Variants in ONECUT1 observed in about 807,000 individuals in gnomAD.
The protein encoded by ONECUT1 is one cut homeobox 1.
In ONECUT1, 12 loss-of-function variants were observed where a neutral mutation model predicts 25.6. That is an observed-to-expected ratio of 0.47 (90% CI 0.30 to 0.76). The LOEUF is 0.76. Among genes scored for constraint, ONECUT1 ranks in the 30% least tolerant of loss-of-function variants. ONECUT1 has a pLI of 0.07. For missense variants in ONECUT1, 620 were observed against 651.2 expected (o/e 0.95, Z 0.52); for synonymous variants, 285 against 270.2 (o/e 1.05, Z -0.54).
chr15:52,785,290 C>T (rs1344801369), intron 1 of ONECUT1, among the ~76,000 whole-genome samples: 2 of 152,384 alleles, frequency 1.3e-5, no homozygotes, highest in East Asian at 3.9e-4. Context: ...CCACTCAGGG[C>T]AAACACAGCC....
At chr15:52,787,638 G>A (rs1465497982) in intron 1 of ONECUT1, 1 of 150,178 alleles carries the variant, frequency 6.7e-6, no homozygotes, top group Non-Finnish European at 1.5e-5. Context: ...GTGGGGGGTG[G>A]GGGAGTGGGG....
At chr15:52,770,836 A>G (rs2083762964) in intron 1 of ONECUT1, among the ~76,000 whole-genome samples, 1 of 152,180 alleles carries the variant, frequency 6.6e-6, no homozygotes, top group Non-Finnish European at 1.5e-5. Flanking sequence ...TCCAGGGCAA[A>G]GGATATGAAC....
At chr15:52,760,931 C>T (rs2141445855) in intron 1 of ONECUT1, among the ~76,000 whole-genome samples, 1 of 151,780 alleles carries the variant, frequency 6.6e-6, no homozygotes, top group Non-Finnish European at 1.5e-5. Context: ...CCCTTCAGGA[C>T]TGTGCACTTG....
intron 1 of ONECUT1, among the ~76,000 whole-genome samples, chr15:52,781,910 G>T (rs2083843657): frequency 1.3e-5 from 2 of 152,174 alleles, no homozygotes; most frequent in South Asian, 4.1e-4. Context: ...AATAGAATGT[G>T]CACAAAAAAC....
At chr15:52,768,028 A>G (rs554856571) in intron 1 of ONECUT1, among the ~76,000 whole-genome samples, 3 of 152,306 alleles carry the variant, frequency 2.0e-5, no homozygotes, top group African/African-American at 7.2e-5. Flanking sequence ...TGGTTACCAG[A>G]GGCTGGGAAG....
At chr15:52,760,561 C>T (rs1421970106) in intron 1 of ONECUT1, among the ~76,000 whole-genome samples, 1 of 152,142 alleles carries the variant, frequency 6.6e-6, no homozygotes, top group Non-Finnish European at 1.5e-5. Flanking sequence ...AGAGAAGGCA[C>T]TCAGATGGGC....
At chr15:52,759,702 C>A (rs1596044735) in intron 1 of ONECUT1, among the ~76,000 whole-genome samples, 1 of 152,074 alleles carries the variant, frequency 6.6e-6, no homozygotes, top group Non-Finnish European at 1.5e-5. Context: ...TGGGCTCAAG[C>A]GATCCTCTCA....
rs1447808586 is a variant in ONECUT1, at chr15:52,757,194, G to A, written c.*361C>T. 1 of 236,864 alleles carries A rather than the reference G, an allele frequency of 4.2e-6. No homozygotes were observed. Among genetic ancestry groups the A allele is most frequent in the African/African-American group, 2.3e-5 (1 of 42,924 alleles). The allele number at this position is 236,864 out of a possible 1,614,324, so 14.7% of individuals were successfully genotyped here. A position where few individuals can be genotyped will look rare whatever the true frequency, so the allele number is the denominator to read the frequency against. On this transcript the variant is annotated 3_prime_UTR_variant, in exon 2 of 2. Coordinates refer to ENST00000305901, the MANE Select transcript of ONECUT1 (RefSeq NM_004498.4). ...AGACACCATACACCTTCGTGGCATG[G>A]TAGAACAGATGAGAAAGTTCGATCT...
rs538217727 is a variant in ONECUT1, at chr15:52,762,740, GCAGAGATAT to G, written c.1106-4902_1106-4894del. Among the ~76,000 whole-genome samples, 10 of 152,342 alleles carry G rather than the reference GCAGAGATAT, an allele frequency of 6.6e-5. No individual in the cohort carries two copies. The South Asian group carries it at 2.1e-3, about 32-fold the overall frequency. On this transcript the variant is annotated intron_variant, in intron 1 of 1. Transcript: ENST00000305901. ...AAAGCTGGAGGTGCTGAAAAAGAAA[GCAGAGATAT>G]CAGTAAAATGGAGAGTAGACTAAAG...
chr15:52,765,630 G>A (rs1472960540), intron 1 of ONECUT1, among the ~76,000 whole-genome samples: 1 of 152,230 alleles, frequency 6.6e-6, no homozygotes, highest in Non-Finnish European at 1.5e-5. Flanking sequence ...AACATGGCAG[G>A]ACTGTTCCTG....
rs1294703601 is a variant in ONECUT1, at chr15:52,777,307, A to C, written c.1105+11473T>G. 2.0e-5 allele frequency among the ~76,000 whole-genome samples: 3 copies of C among 152,154 alleles called. No individual in the cohort carries two copies. In the East Asian group the frequency reaches 5.8e-4, roughly 29 times the overall value. ...TACCATTATTCTAATTTGCCACTTG[A>C]ATTTATATTAGAATCACCGGGGAAA... On this transcript the variant is annotated intron_variant, in intron 1 of 1. Transcript: ENST00000305901.
intron 1 of ONECUT1, among the ~76,000 whole-genome samples, chr15:52,760,066 G>A (rs1334980821): frequency 2.6e-5 from 4 of 152,166 alleles, no homozygotes; most frequent in South Asian, 2.1e-4. Context: ...GGACATGAAG[G>A]GAGGGCTCAG....
chr15:52,789,903 G>T lies in ONECUT1; in HGVS notation c.-19C>A. On this transcript the variant is annotated 5_prime_UTR_variant, in exon 1 of 2. Coordinates refer to ENST00000305901, the MANE Select transcript of ONECUT1 (RefSeq NM_004498.4). The surrounding 1 kb of genome is among the most constrained non-coding windows in gnomAD (Gnocchi z 4.1). ...CGTTCATCGTGATCCGGGCGAGCAGGCGGCGGACACAACATCGATGTGGCC... is the reference window on the plus strand; with the variant it reads ...CGTTCATCGTGATCCGGGCGAGCAGTCGGCGGACACAACATCGATGTGGCC... 6.6e-7 allele frequency: 1 copy of T among 1,513,474 alleles called. No individual in the cohort carries two copies. The highest frequency in any genetic ancestry group is 8.7e-7 in the Non-Finnish European group (1 of 1,143,286). 93.8% of individuals were successfully genotyped at this position (1,513,474 alleles called of 1,614,324 possible). A position where few individuals can be genotyped will look rare whatever the true frequency, so the allele number is the denominator to read the frequency against.
chr15:52,787,393 C>T (rs1463128561), intron 1 of ONECUT1, among the ~76,000 whole-genome samples: 1 of 152,078 alleles, frequency 6.6e-6, no homozygotes, highest in Non-Finnish European at 1.5e-5. Context: ...GCACCTGCCA[C>T]CCCCAGCTTC....
intron 1 of ONECUT1, among the ~76,000 whole-genome samples, chr15:52,778,825 C>T (rs2083820976): frequency 6.6e-6 from 1 of 152,158 alleles, no homozygotes; most frequent in Non-Finnish European, 1.5e-5. Context: ...TCATAGAAGG[C>T]AATCAATCAT....
chr15:52,781,268 G>A (rs1202726470), intron 1 of ONECUT1: 3 of 152,236 alleles, frequency 2.0e-5, no homozygotes, highest in African/African-American at 7.2e-5. Flanking sequence ...AGGGATGGGA[G>A]GCTGGGGTTT....
chr15:52,789,222 G>C lies in ONECUT1; in HGVS notation c.663C>G (p.His221Gln). Residue 221 changes from histidine (H) to glutamine (Q), a missense_variant, in exon 1 of 2, where the codon CAC (histidine) becomes CAG (glutamine). By Grantham distance (24) the His-to-Gln change is conservative. Coordinates refer to ENST00000305901, the MANE Select transcript of ONECUT1 (RefSeq NM_004498.4). The surrounding 1 kb of genome is among the most constrained non-coding windows in gnomAD (Gnocchi z 4.1). ...KMLTPNGFEA[H>Q]HPAMLGRHGE... Reference sequence around the variant, plus strand: ...CGTGGCGGCCGAGCATGGCCGGGTGGTGGGCTTCGAAGCCGTTGGGGGTGA... The same window carrying C: ...CGTGGCGGCCGAGCATGGCCGGGTGCTGGGCTTCGAAGCCGTTGGGGGTGA... 1 of 1,559,980 alleles carries C rather than the reference G, an allele frequency of 6.4e-7. No homozygotes were observed. Among genetic ancestry groups the C allele is most frequent in the Non-Finnish European group, 8.7e-7 (1 of 1,155,332 alleles).
At chr15:52,771,597 G>GTT (rs35410788) in intron 1 of ONECUT1, among the ~76,000 whole-genome samples, 3,794 of 150,448 alleles carry the variant, frequency 0.025, 84 homozygotes, top group African/African-American at 0.062. Flanking sequence ...AGTAATGTCT[G>GTT]TTTTTTTTTA....
intron 1 of ONECUT1, among the ~76,000 whole-genome samples, chr15:52,777,102 TC>T (rs1338741843): frequency 1.3e-5 from 2 of 152,220 alleles, no homozygotes; most frequent in African/African-American, 4.8e-5. Flanking sequence ...CAATTATTCC[TC>T]TAAGGATCTT....
Sources: allele counts gnomAD v4.1 joint callset (sites outside exome capture counted in the v4.1 genomes callset), GRCh38; gene constraint gnomAD v4.1.1; non-coding constraint Gnocchi (gnomAD v3.1); transcripts MANE v1.5; gene names NCBI Gene and HGNC (gene_info 2026-07-23, HGNC 2026-07-21).